RALYL: variants seen among roughly 807,000 people sequenced by gnomAD.
RALYL encodes RNA-binding Raly-like protein.
Under a neutral mutation model 35.1 loss-of-function variants are expected in RALYL, and 29 were observed. The ratio of observed to expected loss-of-function variants is 0.83; its 90% CI spans 0.61 to 1.13. The LOEUF (loss-of-function observed/expected upper bound fraction) is 1.13. Among genes scored for constraint, RALYL ranks in the 50% most tolerant of loss-of-function variants. The pLI is 0.00. For missense variants in RALYL, 359 were observed against 360.4 expected, an observed-to-expected ratio of 1.00 and a Z score of 0.03; for synonymous variants, 120 against 127.6, an observed-to-expected ratio of 0.94 and a Z score of 0.40.
At chr8:84,830,356 T>A (rs1423214511) in intron 4 of RALYL, among the ~76,000 whole-genome samples, 2 of 151,928 alleles carry the variant, frequency 1.3e-5, no homozygotes, top group Admixed American at 1.3e-4. Context: ...ATCTAAAGGT[T>A]GTTTCACCAA....
chr8:84,216,682 A>G (rs1259135469), intron 1 of RALYL, among the ~76,000 whole-genome samples: 2 of 152,172 alleles, frequency 1.3e-5, no homozygotes, highest in East Asian at 3.8e-4. Context: ...ACTGAGGGAA[A>G]TGTTCTGTAT....
intron 2 of RALYL, among the ~76,000 whole-genome samples, chr8:84,618,199 T>A (rs556213831): frequency 1.1e-3 from 168 of 152,020 alleles, no homozygotes; most frequent in Middle Eastern, 3.4e-3. Context: ...TCTGGTAGAA[T>A]TCGGCTGTGA....
At chr8:84,281,284 T>G (rs1241666726) in intron 1 of RALYL, among the ~76,000 whole-genome samples, 1 of 152,148 alleles carries the variant, frequency 6.6e-6, no homozygotes. Context: ...AAACATGAGG[T>G]TATTTTTAAT....
intron 6 of RALYL, 32 bp from the exon 7 acceptor site, chr8:84,873,252 C>A: frequency 8.0e-7 from 1 of 1,249,674 alleles, no homozygotes; most frequent in East Asian, 2.5e-5. Flanking sequence ...ATTTGATGCT[C>A]TGTTGTTTTC....
intron 2 of RALYL, among the ~76,000 whole-genome samples, chr8:84,593,649 A>T (rs190658250): frequency 6.8e-4 from 104 of 152,094 alleles, no homozygotes; most frequent in Middle Eastern, 3.4e-3. Flanking sequence ...GTCCAGTGTA[A>T]ATCTCTGTAC....
At chr8:84,286,426 T>C (rs1463794008) in intron 1 of RALYL, among the ~76,000 whole-genome samples, 1 of 152,194 alleles carries the variant, frequency 6.6e-6, no homozygotes, top group Non-Finnish European at 1.5e-5. Flanking sequence ...AGAGCTATCA[T>C]TTTTGTTACC....
chr8:84,745,515 A>G (rs1808405608), intron 2 of RALYL, among the ~76,000 whole-genome samples: 1 of 152,026 alleles, frequency 6.6e-6, no homozygotes, highest in South Asian at 2.1e-4. Flanking sequence ...AGTTTGTGTC[A>G]CAGCATTACT....
At chr8:84,226,876 A>G (rs924378384) in intron 1 of RALYL, among the ~76,000 whole-genome samples, 1 of 151,936 alleles carries the variant, frequency 6.6e-6, no homozygotes, top group African/African-American at 2.4e-5. Context: ...TCACATTGCA[A>G]TATGTTGCTA....
chr8:84,857,800 A>G lies in RALYL; in HGVS notation c.414-4496A>G, dbSNP rs575294602. 2.0e-5 allele frequency among the ~76,000 whole-genome samples: 3 copies of G among 152,310 alleles called. No homozygotes were observed. In the South Asian group the frequency reaches 6.2e-4, roughly 32 times the overall value. ...ATGGATGCTTATAAAAACAGATTAA[A>G]GAATTATAGTAGTTGTTCTGGGGTC... On this transcript the variant is annotated intron_variant, in intron 5 of 8. Transcript: ENST00000521268.
chr8:84,540,332 T>C (rs1223323056), intron 2 of RALYL, among the ~76,000 whole-genome samples: 12 of 151,962 alleles, frequency 7.9e-5, no homozygotes. Flanking sequence ...TGTGTGTGTG[T>C]GTGTGTATGT....
At chr8:84,498,873 T>TA (rs1380618607) in intron 1 of RALYL, among the ~76,000 whole-genome samples, 1 of 151,980 alleles carries the variant, frequency 6.6e-6, no homozygotes, top group Non-Finnish European at 1.5e-5. Context: ...GAACTAGAAT[T>TA]AAAAAAAATC....
At chr8:84,354,860 G>T (rs558891704) in intron 1 of RALYL, among the ~76,000 whole-genome samples, 1 of 149,994 alleles carries the variant, frequency 6.7e-6, no homozygotes, top group East Asian at 1.9e-4. Context: ...TAGAAAAGCC[G>T]CACAATTAGG....
At chr8:84,406,027 A>G (rs1385818495) in intron 1 of RALYL, among the ~76,000 whole-genome samples, 1 of 150,888 alleles carries the variant, frequency 6.6e-6, no homozygotes. Context: ...AATATGAAAA[A>G]GCAAGGTAAT....
chr8:84,520,540 A>G (rs578222511), intron 1 of RALYL, among the ~76,000 whole-genome samples: 2 of 152,286 alleles, frequency 1.3e-5, no homozygotes, highest in Non-Finnish European at 2.9e-5. Context: ...CATTCTTTAG[A>G]TAGGGGTCCC....
At chr8:84,377,902 A>C (rs1378925167) in intron 1 of RALYL, among the ~76,000 whole-genome samples, 1 of 151,890 alleles carries the variant, frequency 6.6e-6, no homozygotes, top group Non-Finnish European at 1.5e-5. Context: ...GTCAATGTTC[A>C]CCATCATGAA....
chr8:84,486,025 T>A lies in RALYL; in HGVS notation c.-23-43274T>A, dbSNP rs888777095. The stretch of plus-strand genomic sequence containing the variant: ...AATCAAAAGCTTTTTTTTTTTTTTT[T>A]TTTTTGAGGAAGAGTTAGAATTTAG... On this transcript the variant is annotated intron_variant, in intron 1 of 8. Coordinates refer to ENST00000521268, the MANE Select transcript of RALYL (RefSeq NM_173848.7). Among the ~76,000 whole-genome samples, 3 of 150,132 alleles carry A rather than the reference T, an allele frequency of 2.0e-5. No individual in the cohort carries two copies. The East Asian group carries it at 5.8e-4, about 29-fold the overall frequency.
intron 3 of RALYL, among the ~76,000 whole-genome samples, chr8:84,785,788 G>T (rs942636818): frequency 1.3e-5 from 2 of 152,074 alleles, no homozygotes; most frequent in African/African-American, 2.4e-5. Flanking sequence ...TTCACAAAGT[G>T]TTAATAATGA....
intron 1 of RALYL, among the ~76,000 whole-genome samples, chr8:84,439,902 T>C (rs1386619880): frequency 6.6e-6 from 1 of 152,134 alleles, no homozygotes; most frequent in East Asian, 1.9e-4. Context: ...TGCATGTCGG[T>C]AATCTTCACT....
At chr8:84,334,359 A>G (rs972623044) in intron 1 of RALYL, among the ~76,000 whole-genome samples, 1 of 152,038 alleles carries the variant, frequency 6.6e-6, no homozygotes, top group Non-Finnish European at 1.5e-5. Context: ...TCAATTATGT[A>G]TAATAATTTT....
Sources: gnomAD v4.1 joint callset for allele counts (sites outside exome capture counted in the v4.1 genomes callset) on GRCh38, gnomAD v4.1.1 for gene constraint, MANE v1.5 for transcripts, NCBI Gene and HGNC (gene_info 2026-07-23, HGNC 2026-07-21) for gene names.